RYR3: variants seen among roughly 807,000 people sequenced by gnomAD.
RYR3 encodes ryanodine receptor 3.
RYR3 carries 207 observed loss-of-function variants against 584.3 expected under a neutral mutation model. The observed-to-expected ratio is 0.35, with a 90% confidence interval of 0.32 to 0.40. The LOEUF is 0.40. RYR3 is among the 10% of genes least tolerant of loss of function. The pLI is 1.00. For synonymous variants in RYR3, 2,416 were observed against 2,248.5 expected, an observed-to-expected ratio of 1.07 and a Z score of -2.11; for missense variants, 5,616 against 6,089.2, an observed-to-expected ratio of 0.92 and a Z score of 2.59.
At position 33,860,648 on chromosome 15, in the gene RYR3, G is replaced by C. The variant is rs747821141; in HGVS notation, c.14353G>C (p.Glu4785Gln). 9 of 1,590,890 alleles carry C rather than the reference G, an allele frequency of 5.7e-6. No homozygotes were observed. In the Admixed American group the frequency reaches 1.6e-4, roughly 28 times the overall value. The change falls in exon 101 of 104, where the codon GAA (glutamate) becomes CAA (glutamine). Residue 4785 changes from glutamate to glutamine, a missense_variant. Coordinates refer to ENST00000634891, the MANE Select transcript of RYR3 (RefSeq NM_001036.6). ...AAGAGACCAGCAGGAACAAGTACGA[G>C]AAGATATGGAGGTAATGTTACTCTA... ...ELRDQQEQVR[E>Q]DMETKCFICG...
intron 38 of RYR3, among the ~76,000 whole-genome samples, chr15:33,678,183 C>T (rs1221065565): frequency 6.6e-6 from 1 of 152,118 alleles, no homozygotes; most frequent in African/African-American, 2.4e-5. Flanking sequence ...GTTGGCTATA[C>T]TATTTGATAT....
chr15:33,344,516 A>G (rs1972203982), intron 1 of RYR3, among the ~76,000 whole-genome samples: 1 of 151,998 alleles, frequency 6.6e-6, no homozygotes, highest in Admixed American at 6.6e-5. Context: ...TTTCCAGAAG[A>G]CATTTTGGAA....
intron 3 of RYR3, among the ~76,000 whole-genome samples, chr15:33,506,475 C>G (rs1177122208): frequency 6.6e-6 from 1 of 151,928 alleles, no homozygotes; most frequent in African/African-American, 2.4e-5. Flanking sequence ...TCCATATTGC[C>G]TTTTGTTCTA....
chr15:33,572,098 GATA>G (rs896687381), intron 12 of RYR3, among the ~76,000 whole-genome samples: 32 of 152,020 alleles, frequency 2.1e-4, no homozygotes, highest in African/African-American at 7.0e-4. Context: ...ACTCCTTTGT[GATA>G]ATATTGCCAC....
chr15:33,606,284 A>G (rs2059899226), intron 18 of RYR3, among the ~76,000 whole-genome samples: 1 of 152,228 alleles, frequency 6.6e-6, no homozygotes, highest in Admixed American at 6.5e-5. Flanking sequence ...CACATTAGAT[A>G]GACAGTAAAT....
intron 1 of RYR3, among the ~76,000 whole-genome samples, chr15:33,342,817 A>C (rs908454006): frequency 1.3e-5 from 2 of 152,128 alleles, no homozygotes; most frequent in Non-Finnish European, 2.9e-5. Context: ...AGAAAAAGAC[A>C]TTTCTTATTA....
intron 19 of RYR3, among the ~76,000 whole-genome samples, chr15:33,618,948 C>T (rs2060584907): frequency 6.6e-6 from 1 of 152,156 alleles, no homozygotes; most frequent in Non-Finnish European, 1.5e-5. Flanking sequence ...ATCTCAAAGA[C>T]GAAGTTGAAA....
At chr15:33,669,894 T>TGTGG (rs1197626853) in intron 37 of RYR3, among the ~76,000 whole-genome samples, 22 of 136,850 alleles carry the variant, frequency 1.6e-4, no homozygotes, top group African/African-American at 5.5e-4. Flanking sequence ...TGTGTGTGTG[T>TGTGG]GTGTGTGTGT....
chr15:33,503,131 A>G (rs557047225), intron 2 of RYR3, among the ~76,000 whole-genome samples: 1 of 152,344 alleles, frequency 6.6e-6, no homozygotes, highest in Admixed American at 6.5e-5. Flanking sequence ...CTATATTTAT[A>G]TAGCTCTTAA....
intron 1 of RYR3, among the ~76,000 whole-genome samples, chr15:33,367,823 C>G (rs766243110): frequency 3.9e-5 from 6 of 152,154 alleles, no homozygotes; most frequent in Non-Finnish European, 7.3e-5. Context: ...CAAGGATTGT[C>G]AAGAATCCCG....
At chr15:33,708,639 TTAA>T (rs113211924) in intron 43 of RYR3, among the ~76,000 whole-genome samples, 1,813 of 152,308 alleles carry the variant, frequency 0.012, 28 homozygotes, top group African/African-American at 0.041. Context: ...GGATTTCAGT[TTAA>T]TGTTTGTCTC....
chr15:33,507,370 C>T (rs1043176990), intron 3 of RYR3, among the ~76,000 whole-genome samples: 2 of 152,154 alleles, frequency 1.3e-5, no homozygotes, highest in Admixed American at 6.5e-5. Context: ...TGAGGAGGAC[C>T]TGGAGCAGAG....
intron 45 of RYR3, 131 bp from the exon 46 acceptor site, chr15:33,726,255 T>C: frequency 1.1e-6 from 1 of 951,254 alleles, no homozygotes; most frequent in Non-Finnish European, 1.6e-6. Flanking sequence ...CACAAGTGTC[T>C]GTAGCAATTA....
intron 30 of RYR3, 124 bp from the exon 31 acceptor site, chr15:33,648,948 C>T: frequency 3.5e-6 from 3 of 850,506 alleles, no homozygotes; most frequent in Non-Finnish European, 5.5e-6. Flanking sequence ...TACTAGTGTG[C>T]ACTTTTCCAG....
intron 10 of RYR3, among the ~76,000 whole-genome samples, chr15:33,558,182 G>A (rs1046541637): frequency 1.3e-5 from 2 of 151,894 alleles, no homozygotes; most frequent in Non-Finnish European, 2.9e-5. Flanking sequence ...TTGCTATGTT[G>A]GTGTGCTGCA....
Position 33,697,814 on chromosome 15 carries a change from C to T in RYR3, c.6135-68C>T, listed in dbSNP as rs1042256988. The T allele has an allele frequency of 1.7e-5, 16 of 965,418 alleles. No homozygotes were observed. The African/African-American group carries it at 2.2e-4, about 13-fold the overall frequency. The allele number at this position is 965,418 out of a possible 1,614,324, so 59.8% of individuals were successfully genotyped here. On this transcript the variant is annotated intron_variant, in intron 39 of 103. Transcript: ENST00000634891. Reference sequence around the variant, plus strand: ...TTGCCCTCTCGTGTGTTTGTGTGTTCTCATCCCTGAATTTTCATAGCATAT... The same window carrying T: ...TTGCCCTCTCGTGTGTTTGTGTGTTTTCATCCCTGAATTTTCATAGCATAT...
intron 1 of RYR3, among the ~76,000 whole-genome samples, chr15:33,470,579 C>T (rs944178661): frequency 1.6e-4 from 25 of 152,020 alleles, no homozygotes; most frequent in African/African-American, 5.3e-4. Flanking sequence ...GTAAGGAATG[C>T]GAAAGCAAGA....
rs929067161 is a variant in RYR3, at chr15:33,748,336, A to G, written c.8136+76A>G. Reference sequence around the variant, plus strand: ...AATCTGGGAATGTTCTGCCTGGGGCATCGTAGGTGGGACCATCTAAGATGA... The same window carrying G: ...AATCTGGGAATGTTCTGCCTGGGGCGTCGTAGGTGGGACCATCTAAGATGA... On this transcript the variant is annotated intron_variant, in intron 54 of 103. Transcript: ENST00000634891. 25 of 1,566,074 alleles carry G rather than the reference A, an allele frequency of 1.6e-5. No individual in the cohort carries two copies. In the African/African-American group the frequency reaches 2.4e-4, roughly 15 times the overall value.
At chr15:33,757,818 T>C in intron 60 of RYR3, 2 of 563,442 alleles carry the variant, frequency 3.5e-6, no homozygotes, top group East Asian at 3.0e-5. Flanking sequence ...TTGGGAAAGA[T>C]GTATATAATT....
Sources: gnomAD v4.1 joint callset for allele counts (sites outside exome capture counted in the v4.1 genomes callset) on GRCh38, gnomAD v4.1.1 for gene constraint, MANE v1.5 for transcripts, NCBI Gene and HGNC (gene_info 2026-07-23, HGNC 2026-07-21) for gene names.